TBXAS1: variants seen among roughly 807,000 people sequenced by gnomAD.
TBXAS1 encodes thromboxane-A synthase.
A neutral mutation model predicts 60.7 loss-of-function variants in TBXAS1; 48 were observed. That is an observed-to-expected ratio of 0.79 (90% CI 0.63 to 1.01). The LOEUF (loss-of-function observed/expected upper bound fraction) is 1.01. Ranked by LOEUF, TBXAS1 falls within the 50% of genes least tolerant of loss-of-function variation. The pLI, the probability that TBXAS1 is intolerant of heterozygous loss-of-function variation, is 0.00. For synonymous variants in TBXAS1, 287 were observed against 269.7 expected (o/e 1.06, Z -0.63); for missense variants, 685 against 686.3 (o/e 1.00, Z 0.02).
intron 9 of TBXAS1, among the ~76,000 whole-genome samples, chr7:139,984,183 A>G (rs1812167379): frequency 6.6e-6 from 1 of 152,222 alleles, no homozygotes; most frequent in Admixed American, 6.5e-5. Context: ...TCACTGTTTA[A>G]AGGGGATAAT....
At chr7:139,983,983 G>T (rs1585003553) in intron 9 of TBXAS1, among the ~76,000 whole-genome samples, 2 of 152,312 alleles carry the variant, frequency 1.3e-5, no homozygotes, top group East Asian at 3.9e-4. Flanking sequence ...CCAGTGAGAT[G>T]CACAAACAGC....
chr7:139,812,733 C>T (rs73158637), intron 4 of TBXAS1, among the ~76,000 whole-genome samples: 1,894 of 152,170 alleles, frequency 0.012, 21 homozygotes, highest in Non-Finnish European at 0.022. Flanking sequence ...GAGTTTCCTG[C>T]GAGAAATGAG....
At chr7:139,844,058 CAGAT>C (rs1799642084) in intron 1 of TBXAS1, among the ~76,000 whole-genome samples, 1 of 152,152 alleles carries the variant, frequency 6.6e-6, no homozygotes, top group Admixed American at 6.5e-5. Flanking sequence ...CCCATGAATT[CAGAT>C]AGATAGAGGA....
At chr7:139,785,008 C>T (rs1797142163) in intron 3 of TBXAS1, among the ~76,000 whole-genome samples, 1 of 152,112 alleles carries the variant, frequency 6.6e-6, no homozygotes, top group Non-Finnish European at 1.5e-5. Context: ...ACTCCTCAGG[C>T]AGAACCCCAA....
chr7:139,897,109 T>A (rs961499390), intron 3 of TBXAS1, among the ~76,000 whole-genome samples: 3 of 152,004 alleles, frequency 2.0e-5, no homozygotes, highest in Non-Finnish European at 4.4e-5. Context: ...TAATGAACAC[T>A]AGACATCAAA....
intron 9 of TBXAS1, among the ~76,000 whole-genome samples, chr7:139,972,424 G>A (rs771150519): frequency 6.6e-6 from 1 of 152,128 alleles, no homozygotes; most frequent in Non-Finnish European, 1.5e-5. Context: ...CATCTGCTTG[G>A]CATGGAGCTA....
At chr7:139,953,260 C>A in intron 5 of TBXAS1, 108 bp from the exon 6 acceptor site, 1 of 887,254 alleles carries the variant, frequency 1.1e-6, no homozygotes, top group Non-Finnish European at 1.9e-6. Context: ...ATCTTCCAAA[C>A]AGTGTTCATT....
intron 5 of TBXAS1, among the ~76,000 whole-genome samples, chr7:139,949,257 TTGTTA>T (rs1809005432): frequency 6.6e-6 from 1 of 152,244 alleles, no homozygotes; most frequent in South Asian, 2.1e-4. Context: ...TCCATCTCTT[TTGTTA>T]TGTTAAGAAA....
upstream of TBXAS1, among the ~76,000 whole-genome samples, chr7:139,827,523 CTTTG>C (rs772137472): frequency 8.7e-5 from 13 of 149,086 alleles, no homozygotes; most frequent in Admixed American, 2.6e-4. Flanking sequence ...CTGTGTACTT[CTTTG>C]TTTGTTTTTT....
chr7:139,995,529 G>C (rs1473783014), intron 9 of TBXAS1, among the ~76,000 whole-genome samples: 1 of 152,202 alleles, frequency 6.6e-6, no homozygotes, highest in African/African-American at 2.4e-5. Context: ...TCCAGAGGTG[G>C]AGGGCACCTT....
At chr7:139,825,502 T>G (rs1798413933), upstream of TBXAS1, among the ~76,000 whole-genome samples, 1 of 152,170 alleles carries the variant, frequency 6.6e-6, no homozygotes, top group Admixed American at 6.5e-5. Flanking sequence ...ATGAGCCAGT[T>G]AACTCAGCGC....
chr7:139,806,407 C>A (rs571899268), intron 4 of TBXAS1, among the ~76,000 whole-genome samples: 4 of 151,770 alleles, frequency 2.6e-5, no homozygotes, highest in African/African-American at 9.7e-5. Context: ...GGATTACAGG[C>A]GCGCTCTACC....
chr7:139,869,678 C>T (rs1477162885), intron 1 of TBXAS1, among the ~76,000 whole-genome samples: 1 of 152,172 alleles, frequency 6.6e-6, no homozygotes, highest in Non-Finnish European at 1.5e-5. Context: ...CATCAGCAGC[C>T]GTGCCTGGCC....
At chr7:139,941,972 CTATATATTTGT>C (rs915424770) in intron 5 of TBXAS1, among the ~76,000 whole-genome samples, 5 of 152,262 alleles carry the variant, frequency 3.3e-5, no homozygotes, top group African/African-American at 1.2e-4. Context: ...ACAGTGGAAT[CTATATATTTGT>C]ATATTCCTCT....
intron 10 of TBXAS1, among the ~76,000 whole-genome samples, chr7:140,015,454 G>A (rs1814949602): frequency 1.3e-5 from 2 of 152,292 alleles, no homozygotes; most frequent in East Asian, 3.9e-4. Context: ...ATGGATGCAT[G>A]AAGGGATGGA....
intron 7 of TBXAS1, among the ~76,000 whole-genome samples, chr7:139,956,873 C>T (rs1173229017): frequency 6.6e-6 from 1 of 152,264 alleles, no homozygotes; most frequent in Admixed American, 6.5e-5. Flanking sequence ...CACATTGGTT[C>T]GGACTCTGGC....
intron 11 of TBXAS1, among the ~76,000 whole-genome samples, chr7:140,017,220 G>A (rs1815151313): frequency 6.6e-6 from 1 of 152,164 alleles, no homozygotes; most frequent in African/African-American, 2.4e-5. Flanking sequence ...CGCCCCCCAG[G>A]GAGGGCCCAG....
At chr7:140,018,568 TCA>T (rs1263794679) in intron 12 of TBXAS1, among the ~76,000 whole-genome samples, 1 of 151,932 alleles carries the variant, frequency 6.6e-6, no homozygotes, top group South Asian at 2.1e-4. Flanking sequence ...CCCCCCCACA[TCA>T]CACACTCCAG....
At position 139,929,763 on chromosome 7, in the gene TBXAS1, T is replaced by C. The variant is rs1188422229; in HGVS notation, c.334-6428T>C. ...TCCTGTTGGCTCTACCTTCAAAGCA[T>C]GCCAGGCTGATCATTTCTCCCGGTA... On this transcript the variant is annotated intron_variant, in intron 4 of 12. Transcript: ENST00000448866. 4.6e-5 allele frequency among the ~76,000 whole-genome samples: 7 copies of C among 152,278 alleles called. No homozygotes were observed. The East Asian group carries it at 1.4e-3, about 29-fold the overall frequency.
Sources: allele counts gnomAD v4.1 joint callset (sites outside exome capture counted in the v4.1 genomes callset), GRCh38; gene constraint gnomAD v4.1.1; transcripts MANE v1.5; gene names NCBI Gene and HGNC (gene_info 2026-07-23, HGNC 2026-07-21).